The following FNTA variants were observed in gnomAD, a reference collection of about 807,000 sequenced individuals.
FNTA encodes farnesyltransferase, CAAX box, subunit alpha.
Under a neutral mutation model 55.2 loss-of-function variants are expected in FNTA, and 27 were observed. The observed-to-expected ratio is 0.49, with a 90% CI of 0.36 to 0.67. FNTA has a LOEUF of 0.67. FNTA is among the 30% of genes least tolerant of loss of function. The probability of loss-of-function intolerance (pLI) is 0.00; values close to 1 mark genes in which losing one functional copy is unlikely to be tolerated. For missense variants in FNTA, 422 were observed against 464.7 expected (o/e 0.91, Z 0.85); for synonymous variants, 176 against 170.7 (o/e 1.03, Z -0.24).
At chr8:43,076,188 C>T (rs963426675) in intron 5 of FNTA, among the ~76,000 whole-genome samples, 3 of 151,952 alleles carry the variant, frequency 2.0e-5, no homozygotes, top group Non-Finnish European at 2.9e-5. Context: ...GGATTACAGG[C>T]GCCTGTCATC....
chr8:43,062,222 A>G (rs1810550779), intron 2 of FNTA, among the ~76,000 whole-genome samples: 1 of 151,354 alleles, frequency 6.6e-6, no homozygotes, highest in Non-Finnish European at 1.5e-5. Flanking sequence ...TATTATATAT[A>G]TACATTTGTA....
At chr8:43,066,090 C>G (rs1471172697) in intron 3 of FNTA, among the ~76,000 whole-genome samples, 1 of 150,820 alleles carries the variant, frequency 6.6e-6, no homozygotes, top group Non-Finnish European at 1.5e-5. Context: ...TCTGGAATGC[C>G]TTTTAGTTCT....
In FNTA at chr8:43,059,084, G is replaced by T. The variant is rs1161377597; in HGVS notation, c.201-8G>T. The stretch of plus-strand genomic sequence containing the variant: ...TGTAACCACTGGTTGGGGAATGTCT[G>T]TTTTCAGGGACAGAGCAGAATGGGC... On this transcript the variant is annotated splice_polypyrimidine_tract_variant and splice_region_variant and intron_variant, in intron 1 of 8. Coordinates refer to ENST00000302279, the MANE Select transcript of FNTA (RefSeq NM_002027.3). 2.5e-6 allele frequency: 4 copies of T among 1,610,004 alleles called. No homozygotes were observed. The highest frequency in any genetic ancestry group is 3.4e-6 in the Non-Finnish European group (4 of 1,177,736).
Position 43,085,214 on chromosome 8 carries a change from T to C in FNTA, c.1072T>C (p.Tyr358His). ...CACTATAAGAAAGGAATATTGGAGA[T>C]ACATTGGAAGATCCCTTCAAAGCAA... ...KDTIRKEYWR[Y>H]IGRSLQSKHS... The change falls in exon 9 of 9, where the codon TAC (tyrosine) becomes CAC (histidine). Residue 358 changes from tyrosine to histidine, a missense_variant. Tyr to His is a moderately conservative substitution (Grantham distance 83). Transcript: ENST00000302279. The C allele has an allele frequency of 6.3e-7, 1 of 1,598,076 alleles. No individual in the cohort carries two copies. The highest frequency in any genetic ancestry group is 8.6e-7 in the Non-Finnish European group (1 of 1,169,204).
At chr8:43,063,542 AGT>A (rs1363849938) in intron 2 of FNTA, among the ~76,000 whole-genome samples, 1 of 152,160 alleles carries the variant, frequency 6.6e-6, no homozygotes, top group Non-Finnish European at 1.5e-5. Context: ...CAAAGCTCAG[AGT>A]GTGATGGGAT....
intron 2 of FNTA, chr8:43,063,421 AC>A (rs1810582354): frequency 2.5e-6 from 1 of 406,466 alleles, no homozygotes; most frequent in Non-Finnish European, 4.9e-6. Flanking sequence ...TTGTGAGAGA[AC>A]TTTCTAGAGC....
At chr8:43,060,675 C>CAAAAAA (rs202205706) in intron 2 of FNTA, among the ~76,000 whole-genome samples, 1 of 141,132 alleles carries the variant, frequency 7.1e-6, no homozygotes. Context: ...AACTCTGTCT[C>CAAAAAA]AAAAAAAAAA....
intron 2 of FNTA, among the ~76,000 whole-genome samples, chr8:43,059,484 G>T (rs1418830377): frequency 6.6e-6 from 1 of 152,148 alleles, no homozygotes; most frequent in Non-Finnish European, 1.5e-5. Context: ...GATTATGCAT[G>T]TACCACACAA....
chr8:43,071,210 CCATT>C (rs1810782557), intron 4 of FNTA, among the ~76,000 whole-genome samples: 1 of 152,034 alleles, frequency 6.6e-6, no homozygotes, highest in Non-Finnish European at 1.5e-5. Flanking sequence ...TACAATTCCC[CCATT>C]CAAAGTATAT....
At chr8:43,070,316 TAAAA>T (rs939686785) in intron 4 of FNTA, 2 of 146,120 alleles carry the variant, frequency 1.4e-5, no homozygotes, top group Non-Finnish European at 2.9e-5. Context: ...TCAAAAAAAA[TAAAA>T]AATAAAAAAT....
chr8:43,072,338 AT>A (rs529880975), intron 5 of FNTA, 31 bp downstream of exon 5: 16,767 of 1,295,306 alleles, frequency 0.013, 2 homozygotes, highest in South Asian at 0.023. Context: ...TGTTTTTCAG[AT>A]TTTTTTTTTA....
In FNTA at chr8:43,072,167, T is replaced by C; in HGVS notation, c.507-14T>C. The C allele has an allele frequency of 6.7e-7, 1 of 1,485,458 alleles. No individual in the cohort carries two copies. Among genetic ancestry groups the C allele is most frequent in the Non-Finnish European group, 9.0e-7 (1 of 1,111,618 alleles). 92.0% of individuals were successfully genotyped at this position (1,485,458 alleles called of 1,614,324 possible). A position where few individuals can be genotyped will look rare whatever the true frequency, so the allele number is the denominator to read the frequency against. On this transcript the variant is annotated splice_polypyrimidine_tract_variant and intron_variant, in intron 4 of 8. Coordinates refer to ENST00000302279, the MANE Select transcript of FNTA (RefSeq NM_002027.3). Reference sequence around the variant, plus strand: ...AAATTAACAAAAAACTTCTCTCCCTTCTTTGGGCTTTAGGCATCATAGGCG... The same window carrying C: ...AAATTAACAAAAAACTTCTCTCCCTCCTTTGGGCTTTAGGCATCATAGGCG...
At chr8:43,057,723 C>T (rs1810442713) in intron 1 of FNTA, among the ~76,000 whole-genome samples, 1 of 152,204 alleles carries the variant, frequency 6.6e-6, no homozygotes. Flanking sequence ...TTTGGGAGGC[C>T]GAGGCGGGCG....
chr8:43,081,412 T>TTTAC (rs1811025196), intron 6 of FNTA: 1 of 152,198 alleles, frequency 6.6e-6, no homozygotes, highest in African/African-American at 2.4e-5. Flanking sequence ...TTATCAAGCA[T>TTTAC]TTACTATATG....
chr8:43,057,386 G>T (rs1810433848), intron 1 of FNTA: 1 of 152,020 alleles, frequency 6.6e-6, no homozygotes, highest in African/African-American at 2.4e-5. Flanking sequence ...TTTTTGATTG[G>T]AGATAGTGTT....
intron 7 of FNTA, 54 bp downstream of exon 7, chr8:43,083,234 G>A (rs1489815426): frequency 2.3e-5 from 22 of 970,344 alleles, no homozygotes; most frequent in Non-Finnish European, 3.5e-5. Flanking sequence ...GCTATATGAT[G>A]CATCATGGAG....
rs1333239967 is a variant in FNTA at position 43,085,431 on chromosome 8, G to A, written c.*149G>A. ...TTTAACAAGAACTGATGCTCCTTGG[G>A]TGCTGCTGCTACTCAGACTAGCTCT... On this transcript the variant is annotated 3_prime_UTR_variant, in exon 9 of 9. Coordinates refer to ENST00000302279, the MANE Select transcript of FNTA (RefSeq NM_002027.3). 2.9e-6 allele frequency: 2 copies of A among 678,276 alleles called. No individual in the cohort carries two copies. Among genetic ancestry groups the A allele is most frequent in the Admixed American group, 3.3e-5 (1 of 30,174 alleles). The allele number at this position is 678,276 out of a possible 1,614,324, so 42.0% of individuals were successfully genotyped here.
chr8:43,077,875 A>G (rs1246762328), intron 6 of FNTA: 1 of 152,206 alleles, frequency 6.6e-6, no homozygotes, highest in Non-Finnish European at 1.5e-5. Context: ...AGAGCTAGAC[A>G]TTTCTGAATT....
intron 6 of FNTA, chr8:43,079,359 A>C (rs1042072020): frequency 1.3e-5 from 2 of 155,498 alleles, no homozygotes; most frequent in African/African-American, 2.4e-5. Context: ...TTGAAGTTGA[A>C]ACCAGTGTTC....
Sources: gnomAD v4.1 joint callset for allele counts (sites outside exome capture counted in the v4.1 genomes callset) on GRCh38, gnomAD v4.1.1 for gene constraint, MANE v1.5 for transcripts, NCBI Gene and HGNC (gene_info 2026-07-23, HGNC 2026-07-21) for gene names.